NFYC: variants seen among roughly 807,000 people sequenced by gnomAD.
NFYC encodes CAAT box DNA-binding protein subunit C.
A neutral mutation model predicts 53.1 loss-of-function variants in NFYC; 25 were observed. The observed-to-expected ratio is 0.47, with a 90% confidence interval of 0.34 to 0.66. NFYC has a LOEUF of 0.66. NFYC is among the 30% of genes least tolerant of loss of function. The pLI, the probability that NFYC is intolerant of heterozygous loss-of-function variation, is 0.01. For missense variants in NFYC, 260 were observed against 422.7 expected (o/e 0.62, Z 3.38); for synonymous variants, 145 against 152.6 (o/e 0.95, Z 0.37).
At chr1:40,758,451 G>A in intron 6 of NFYC, 157 bp downstream of exon 6, 1 of 797,260 alleles carries the variant, frequency 1.3e-6, no homozygotes, top group Non-Finnish European at 1.9e-6. Context: ...CAGCTACTGG[G>A]GTGAGATGTT....
chr1:40,741,182 TG>T (rs1400433663), intron 2 of NFYC, among the ~76,000 whole-genome samples: 1 of 152,216 alleles, frequency 6.6e-6, no homozygotes, highest in Non-Finnish European at 1.5e-5. Flanking sequence ...TTCAACTTAA[TG>T]TTTTTTTTCC....
At chr1:40,703,157 TAGAA>T (rs969058977) in intron 1 of NFYC, among the ~76,000 whole-genome samples, 56 of 152,066 alleles carry the variant, frequency 3.7e-4, no homozygotes, top group African/African-American at 1.2e-3. Context: ...AAACTTAAAA[TAGAA>T]AGATTTGACA....
rs759739005 is a variant in NFYC at position 40,770,620 on chromosome 1, C to A, written c.889-89C>A. ...TTGCAGTGGGTGGTGGTTGAGGTAT[C>A]TGGGACCCCCAACCAGCTCGAGACC... On this transcript the variant is annotated intron_variant, in intron 9 of 9. Coordinates refer to ENST00000447388, the MANE Select transcript of NFYC (RefSeq NM_014223.5). The surrounding 1 kb of genome is among the most constrained non-coding windows in gnomAD (Gnocchi z 5.3). 67 of 1,613,974 alleles carry A rather than the reference C, an allele frequency of 4.2e-5. No homozygotes were observed. Among genetic ancestry groups the A allele is most frequent in the Non-Finnish European group, 5.3e-5 (63 of 1,180,020 alleles).
At chr1:40,748,331 A>C (rs1645728097) in intron 3 of NFYC, among the ~76,000 whole-genome samples, 1 of 150,742 alleles carries the variant, frequency 6.6e-6, no homozygotes, top group Non-Finnish European at 1.5e-5. Context: ...GGGGGACAGG[A>C]TCTCACCATG....
At chr1:40,766,952 G>T (rs1371685825) in intron 8 of NFYC, 1 of 1,552,186 alleles carries the variant, frequency 6.4e-7, no homozygotes, top group South Asian at 1.2e-5. Context: ...AAGCCTCGAA[G>T]GTGCCTGAAA....
intron 1 of NFYC, among the ~76,000 whole-genome samples, chr1:40,709,914 C>T (rs896094750): frequency 6.6e-6 from 1 of 152,210 alleles, no homozygotes. Context: ...AAATAATTTT[C>T]CTTTGTTCAA....
At chr1:40,728,961 G>T (rs7555125) in intron 1 of NFYC, among the ~76,000 whole-genome samples, 43,154 of 152,134 alleles carry the variant, frequency 0.28, 7,550 homozygotes, top group East Asian at 0.41. Flanking sequence ...GGATGACCAG[G>T]TATATTGTTA....
chr1:40,752,538 G>T (rs1301623805), intron 4 of NFYC, among the ~76,000 whole-genome samples: 1 of 152,020 alleles, frequency 6.6e-6, no homozygotes, highest in Non-Finnish European at 1.5e-5. Context: ...CTCTCTTGCT[G>T]CTGTTCATAG....
At chr1:40,746,693 A>G (rs550358887) in intron 2 of NFYC, among the ~76,000 whole-genome samples, 1 of 152,316 alleles carries the variant, frequency 6.6e-6, no homozygotes, top group Admixed American at 6.5e-5. Context: ...TTTTTTTCCT[A>G]GAATTGCATC....
chr1:40,729,551 CT>C (rs200912144), intron 1 of NFYC, among the ~76,000 whole-genome samples: 3,059 of 152,278 alleles, frequency 0.02, 57 homozygotes, highest in South Asian at 0.034. Flanking sequence ...AGCAATAAAG[CT>C]GTTTGCTTTC....
chr1:40,718,032 A>C (rs1028363650), intron 1 of NFYC, among the ~76,000 whole-genome samples: 3 of 152,188 alleles, frequency 2.0e-5, no homozygotes, highest in African/African-American at 4.8e-5. Context: ...GGCAATAAGA[A>C]ACTTTTCACT....
At chr1:40,714,260 G>T (rs540646058) in intron 1 of NFYC, among the ~76,000 whole-genome samples, 6 of 152,150 alleles carry the variant, frequency 3.9e-5, no homozygotes, top group African/African-American at 1.4e-4. Context: ...TTAAGCATTT[G>T]ACAAGACTAA....
chr1:40,704,832 C>T (rs2148429980), intron 1 of NFYC, among the ~76,000 whole-genome samples: 1 of 152,234 alleles, frequency 6.6e-6, no homozygotes, highest in South Asian at 2.1e-4. Context: ...TTTATGGCTC[C>T]TGGTAGTCTT....
At chr1:40,756,792 T>C (rs1646249072) in intron 5 of NFYC, among the ~76,000 whole-genome samples, 1 of 152,248 alleles carries the variant, frequency 6.6e-6, no homozygotes, top group Non-Finnish European at 1.5e-5. Flanking sequence ...CCATTCATCA[T>C]TCATCACGCA....
intron 8 of NFYC, 86 bp from the exon 9 acceptor site, chr1:40,769,270 G>A: frequency 7.3e-7 from 1 of 1,366,534 alleles, no homozygotes; most frequent in East Asian, 2.3e-5. Flanking sequence ...TGTCTCATTT[G>A]ATCTTTATGA....
chr1:40,707,422 G>A (rs1643749168), intron 1 of NFYC, among the ~76,000 whole-genome samples: 3 of 150,524 alleles, frequency 2.0e-5, no homozygotes, highest in African/African-American at 7.3e-5. Context: ...GGAGGTTGCA[G>A]TGAGTCAAGA....
chr1:40,697,546 T>C (rs746690850), intron 1 of NFYC, among the ~76,000 whole-genome samples: 1 of 152,238 alleles, frequency 6.6e-6, no homozygotes, highest in Non-Finnish European at 1.5e-5. Context: ...CGATGAAAAC[T>C]TCTTCATATT....
intron 1 of NFYC, among the ~76,000 whole-genome samples, chr1:40,702,490 G>C (rs1643487661): frequency 6.6e-6 from 1 of 151,626 alleles, no homozygotes. Flanking sequence ...CTACAGGTGT[G>C]TGCCACCAAA....
Position 40,763,220 on chromosome 1 carries a change from AT to A in NFYC, c.720+175del, listed in dbSNP as rs1479760978. The A allele has an allele frequency of 2.7e-4, 137 of 498,654 alleles. 8 individuals are homozygous for A. Among genetic ancestry groups the A allele is most frequent in the East Asian group, 2.2e-3 (58 of 26,708 alleles). 30.9% of individuals were successfully genotyped at this position (498,654 alleles called of 1,614,324 possible). On this transcript the variant is annotated intron_variant, in intron 7 of 9. Coordinates refer to ENST00000447388, the MANE Select transcript of NFYC (RefSeq NM_014223.5). ...GCTATATATATACCTTGATATATATATGTATGTCTCTATATATACCTTGATA... is the reference window on the plus strand; with the variant it reads ...GCTATATATATACCTTGATATATATAGTATGTCTCTATATATACCTTGATA...
Sources: allele counts gnomAD v4.1 joint callset (sites outside exome capture counted in the v4.1 genomes callset), GRCh38; gene constraint gnomAD v4.1.1; non-coding constraint Gnocchi (gnomAD v3.1); transcripts MANE v1.5; gene names NCBI Gene and HGNC (gene_info 2026-07-23, HGNC 2026-07-21).